Variants in CPXM2 observed in about 807,000 individuals in gnomAD.
The protein encoded by CPXM2 is inactive carboxypeptidase-like protein X2.
In CPXM2, 66 loss-of-function variants were observed where a neutral mutation model predicts 86.1. That is an observed-to-expected ratio of 0.77 (90% CI 0.63 to 0.94). The LOEUF (loss-of-function observed/expected upper bound fraction) is 0.94, where lower values mean the gene tolerates loss of function less well. Ranked by LOEUF, CPXM2 falls within the 40% of genes least tolerant of loss-of-function variation. The probability of loss-of-function intolerance (pLI) is 0.00; values close to 1 mark genes in which losing one functional copy is unlikely to be tolerated. For missense variants in CPXM2, 948 were observed against 1,026.3 expected (o/e 0.92, Z 1.04); for synonymous variants, 388 against 400.2 (o/e 0.97, Z 0.36).
At chr10:123,794,754 TGTGTGTGTGTGTGTGC>T (rs1847289227) in intron 6 of CPXM2, among the ~76,000 whole-genome samples, 2 of 151,142 alleles carry the variant, frequency 1.3e-5, no homozygotes, top group African/African-American at 4.9e-5. Flanking sequence ...TGTGTGTGTG[TGTGTGTGTGTGTGTGC>T]GCATGTGTGT....
chr10:123,758,576 A>G (rs2133981599), intron 11 of CPXM2, among the ~76,000 whole-genome samples: 1 of 152,284 alleles, frequency 6.6e-6, no homozygotes, highest in African/African-American at 2.4e-5. Flanking sequence ...ATAAGCTAAC[A>G]TTCCCAGGTG....
At chr10:123,752,940 G>A (rs1009165458) in intron 13 of CPXM2, among the ~76,000 whole-genome samples, 17 of 152,318 alleles carry the variant, frequency 1.1e-4, no homozygotes, top group African/African-American at 3.9e-4. Context: ...CATGAGCAGA[G>A]TACACATGAG....
intron 3 of CPXM2, among the ~76,000 whole-genome samples, chr10:123,855,829 T>C (rs1848711229): frequency 6.6e-6 from 1 of 152,188 alleles, no homozygotes; most frequent in African/African-American, 2.4e-5. Context: ...AGGAAATGAC[T>C]GAGGAGAGGA....
chr10:123,921,962 C>G (rs1945582623), intron 2 of CPXM2, among the ~76,000 whole-genome samples: 1 of 152,146 alleles, frequency 6.6e-6, no homozygotes, highest in Non-Finnish European at 1.5e-5. Flanking sequence ...TCTTCTCCAT[C>G]CCTCCCCATG....
At chr10:123,786,802 T>C (rs1360960991) in intron 6 of CPXM2, among the ~76,000 whole-genome samples, 1 of 152,146 alleles carries the variant, frequency 6.6e-6, no homozygotes, top group African/African-American at 2.4e-5. Context: ...CCTTCACCTC[T>C]CCCTGAGACG....
chr10:123,817,364 A>G (rs1847834621), intron 4 of CPXM2, among the ~76,000 whole-genome samples: 1 of 152,172 alleles, frequency 6.6e-6, no homozygotes, highest in Admixed American at 6.5e-5. Context: ...TAAGTAAATC[A>G]CAGCAGAGGC....
At chr10:123,826,458 T>C (rs1179043254) in intron 4 of CPXM2, among the ~76,000 whole-genome samples, 1 of 151,996 alleles carries the variant, frequency 6.6e-6, no homozygotes, top group Non-Finnish European at 1.5e-5. Context: ...CATTTAACAA[T>C]GCAAAGGTAA....
rs181287042 is a variant in CPXM2, at chr10:123,792,522, G to C, written c.889+5454C>G. 1.8e-4 allele frequency among the ~76,000 whole-genome samples: 27 copies of C among 152,292 alleles called. No individual in the cohort carries two copies. The East Asian group carries it at 5.0e-3, about 28-fold the overall frequency. On this transcript the variant is annotated intron_variant, in intron 6 of 13. Coordinates refer to ENST00000241305, the MANE Select transcript of CPXM2 (RefSeq NM_198148.3). ...CCACCACCCTAACCCAGAAGCCCCAGAGACAGGAAGCCAGGGGACAGCAGA... is the reference window on the plus strand; with the variant it reads ...CCACCACCCTAACCCAGAAGCCCCACAGACAGGAAGCCAGGGGACAGCAGA...
chr10:123,777,440 C>CT (rs2134022053), intron 7 of CPXM2: 1 of 152,680 alleles, frequency 6.5e-6, no homozygotes, highest in East Asian at 1.9e-4. Context: ...GTGACCTCCA[C>CT]TGGGCAGCCT....
intron 3 of CPXM2, among the ~76,000 whole-genome samples, chr10:123,860,729 G>A (rs1003464331): frequency 6.6e-6 from 1 of 152,210 alleles, no homozygotes; most frequent in African/African-American, 2.4e-5. Context: ...GGTACTGGAG[G>A]CACTGTGGGG....
In CPXM2 at chr10:123,929,982, C is replaced by A. The variant is rs372036570; in HGVS notation, n.174+9495G>T. Among the ~76,000 whole-genome samples the A allele has an allele frequency of 6.6e-5, 10 of 152,228 alleles. 1 individual carries two copies. The highest frequency in any genetic ancestry group is 6.2e-4 in the South Asian group (3 of 4,834). On this transcript the variant is annotated intron_variant and non_coding_transcript_variant, in intron 2 of 19. Coordinates refer to the CPXM2 transcript ENST00000368854. ...GTGACAGAGGTTCCCACCACCTCCC[C>A]TCCCAGGCATCTGCTGTGGGCGTGG...
At chr10:123,895,121 C>CTTTTTTTTTTT (rs869104432), upstream of CPXM2, among the ~76,000 whole-genome samples, 1,009 of 85,858 alleles carry the variant, frequency 0.012, 4 homozygotes, top group Non-Finnish European at 0.016. Flanking sequence ...TCTTTTTTTT[C>CTTTTTTTTTTT]TTTTTTTTTT....
intron 2 of CPXM2, among the ~76,000 whole-genome samples, chr10:123,931,236 C>T (rs1447891106): frequency 1.3e-5 from 2 of 151,316 alleles, no homozygotes; most frequent in East Asian, 1.9e-4. Flanking sequence ...TCTATGAGGC[C>T]GAACCCCAGT....
chr10:123,931,878 T>C (rs977644867), intron 2 of CPXM2, among the ~76,000 whole-genome samples: 2 of 152,238 alleles, frequency 1.3e-5, no homozygotes, highest in African/African-American at 4.8e-5. Context: ...ATGCGAGGAA[T>C]GTCAGGCAGT....
rs747926025 is a variant in CPXM2, at chr10:123,747,012, C to G, written c.2023G>C (p.Asp675His). 5.6e-6 allele frequency: 9 copies of G among 1,613,192 alleles called. No homozygotes were observed. The South Asian group carries it at 9.9e-5, about 18-fold the overall frequency. ...TTCAGGAGGCGCCAGTAATCCCCAT[C>G]GTTGGCTGTGAAAAAGAAAACCAGG... is the stretch of plus-strand genomic sequence containing the variant. ...GINHDIRTAN[D>H]GDYWRLLNPG... Residue 675 changes from aspartate to histidine, a missense_variant, in exon 14 of 14, where the codon GAT becomes CAT. Coordinates refer to ENST00000241305, the MANE Select transcript of CPXM2 (RefSeq NM_198148.3).
chr10:123,892,660 C>T (rs1402076492), upstream of CPXM2, among the ~76,000 whole-genome samples: 2 of 152,206 alleles, frequency 1.3e-5, no homozygotes, highest in Non-Finnish European at 2.9e-5. Flanking sequence ...GGTGAGAAGG[C>T]TGATGCGAGT....
At chr10:123,927,623 T>G (rs1294599947) in intron 2 of CPXM2, among the ~76,000 whole-genome samples, 2 of 152,236 alleles carry the variant, frequency 1.3e-5, no homozygotes, top group East Asian at 1.9e-4. Flanking sequence ...GGTGCTTACC[T>G]GTTGCTCATG....
At chr10:123,864,700 C>G (rs1848939617) in intron 2 of CPXM2, among the ~76,000 whole-genome samples, 1 of 152,138 alleles carries the variant, frequency 6.6e-6, no homozygotes, top group Non-Finnish European at 1.5e-5. Flanking sequence ...ACCAGATGGA[C>G]AGGCAGACAT....
chr10:123,779,052 CT>C (rs1846872677), intron 7 of CPXM2, among the ~76,000 whole-genome samples: 1 of 152,256 alleles, frequency 6.6e-6, no homozygotes, highest in Non-Finnish European at 1.5e-5. Context: ...TCAGAAACAT[CT>C]TCCACATTTG....
Sources: allele counts gnomAD v4.1 joint callset (sites outside exome capture counted in the v4.1 genomes callset), GRCh38; gene constraint gnomAD v4.1.1; transcripts MANE v1.5; gene names NCBI Gene and HGNC (gene_info 2026-07-23, HGNC 2026-07-21).